Variants in ABCD3 observed in about 807,000 individuals in gnomAD.
The protein encoded by ABCD3 is ATP-binding cassette sub-family D member 3.
Under a neutral mutation model 105.5 loss-of-function variants are expected in ABCD3, and 41 were observed. The ratio of observed to expected loss-of-function variants is 0.39; its 90% CI spans 0.30 to 0.50. ABCD3 has a LOEUF of 0.50. Among genes scored for constraint, ABCD3 ranks in the 20% least tolerant of loss-of-function variants. The pLI is 0.84. For synonymous variants in ABCD3, 258 were observed against 269.0 expected (o/e 0.96, Z 0.40); for missense variants, 622 against 806.3 (o/e 0.77, Z 2.77).
At chr1:94,479,073 A>G (rs187967998) in intron 8 of ABCD3, among the ~76,000 whole-genome samples, 2 of 152,316 alleles carry the variant, frequency 1.3e-5, no homozygotes, top group Non-Finnish European at 2.9e-5. Flanking sequence ...TGATTAATAA[A>G]TTATTTCCAT....
rs115677065 is a variant in ABCD3, at chr1:94,485,258, G to A, written c.897+2019G>A. ...ATTTATTCAAAAGATATTGAATGCCGTCTAGTTGCCTGTGCTCACTCCAGG... is the reference window on the plus strand; with the variant it reads ...ATTTATTCAAAAGATATTGAATGCCATCTAGTTGCCTGTGCTCACTCCAGG... On this transcript the variant is annotated intron_variant, in intron 10 of 22. Coordinates refer to ENST00000370214, the MANE Select transcript of ABCD3 (RefSeq NM_002858.4). Among the ~76,000 whole-genome samples, 842 of 152,164 alleles carry A rather than the reference G, an allele frequency of 5.5e-3. 7 individuals are homozygous for A. Among genetic ancestry groups the A allele is most frequent in the South Asian group, 0.027 (128 of 4,822 alleles).
intron 21 of ABCD3, chr1:94,514,163 A>T (rs548630153): frequency 6.6e-6 from 1 of 152,188 alleles, no homozygotes; most frequent in Admixed American, 6.6e-5. Flanking sequence ...ATCCACTTGG[A>T]GGAACAGTGA....
intron 1 of ABCD3, among the ~76,000 whole-genome samples, chr1:94,420,368 G>A (rs1359002982): frequency 1.3e-5 from 2 of 152,184 alleles, no homozygotes. Context: ...AGCGATAGAA[G>A]TAAAATAATG....
intron 8 of ABCD3, chr1:94,480,199 A>G (rs1648969842): frequency 2.0e-6 from 1 of 494,964 alleles, no homozygotes; most frequent in African/African-American, 1.9e-5. Flanking sequence ...AAAAACTGTG[A>G]ACTGCAATTA....
intron 9 of ABCD3, chr1:94,482,827 T>A (rs1175038347): frequency 3.7e-6 from 1 of 271,476 alleles, no homozygotes; most frequent in Admixed American, 4.8e-5. Flanking sequence ...ACTTGAAGTC[T>A]GCAATGTTGG....
At chr1:94,492,181 C>G (rs1157386916) in intron 16 of ABCD3, among the ~76,000 whole-genome samples, 1 of 152,084 alleles carries the variant, frequency 6.6e-6, no homozygotes, top group Admixed American at 6.6e-5. Flanking sequence ...CAGCACAGCT[C>G]TAGAATTCCT....
chr1:94,448,691 G>C (rs1218009415), intron 1 of ABCD3, among the ~76,000 whole-genome samples: 1 of 152,202 alleles, frequency 6.6e-6, no homozygotes, highest in African/African-American at 2.4e-5. Context: ...ACCTTTTGCA[G>C]TGTTTTGCGG....
intron 4 of ABCD3, 82 bp from the exon 5 acceptor site, chr1:94,473,684 A>G (rs896706962): frequency 9.1e-7 from 1 of 1,098,218 alleles, no homozygotes; most frequent in Non-Finnish European, 1.4e-6. Flanking sequence ...TTCCAAGAGT[A>G]ATTTTAGAGC....
intron 21 of ABCD3, among the ~76,000 whole-genome samples, chr1:94,509,953 T>C (rs1650578394): frequency 6.6e-6 from 1 of 152,180 alleles, no homozygotes; most frequent in Non-Finnish European, 1.5e-5. Context: ...CCTGGATTCA[T>C]TAATTTTTTG....
chr1:94,473,249 G>A (rs559712558), intron 4 of ABCD3, among the ~76,000 whole-genome samples: 1 of 152,186 alleles, frequency 6.6e-6, no homozygotes, highest in Non-Finnish European at 1.5e-5. Flanking sequence ...GTTTTACAGT[G>A]GCAGAATTGA....
At chr1:94,411,583 A>G in the ABCD3 span, among the ~76,000 whole-genome samples, 2 of 152,212 alleles carry the variant, frequency 1.3e-5, no homozygotes, top group African/African-American at 4.8e-5. Flanking sequence ...AGTTCCTCAA[A>G]AAGTTAAACA....
chr1:94,430,542 A>G (rs1334108873), intron 1 of ABCD3, among the ~76,000 whole-genome samples: 2 of 152,134 alleles, frequency 1.3e-5, no homozygotes, highest in African/African-American at 4.8e-5. Context: ...ATACTTTTAT[A>G]AAGAGAAGTT....
chr1:94,418,806 C>T (rs1001519948), intron 1 of ABCD3: 42 of 578,624 alleles, frequency 7.3e-5, no homozygotes, highest in Non-Finnish European at 1.2e-4. Context: ...TCGCTCCACC[C>T]CGGGAGTGCG....
At chr1:94,507,561 G>A (rs910589898) in intron 21 of ABCD3, among the ~76,000 whole-genome samples, 9 of 151,830 alleles carry the variant, frequency 5.9e-5, no homozygotes, top group East Asian at 3.9e-4. Flanking sequence ...CTGAGGAATC[G>A]CCACACTGAC....
intron 1 of ABCD3, among the ~76,000 whole-genome samples, chr1:94,426,816 A>G (rs900886860): frequency 2.7e-5 from 4 of 147,100 alleles, no homozygotes; most frequent in Non-Finnish European, 5.9e-5. Context: ...AAGTGCTGGG[A>G]TTACAGGTGA....
intron 9 of ABCD3, chr1:94,481,817 T>C (rs1649040498): frequency 6.6e-6 from 1 of 152,224 alleles, no homozygotes; most frequent in Non-Finnish European, 1.5e-5. Flanking sequence ...GCTGGAATGG[T>C]TACTTGACCA....
At chr1:94,407,982 C>T in the ABCD3 span, among the ~76,000 whole-genome samples, 4 of 152,340 alleles carry the variant, frequency 2.6e-5, no homozygotes, top group Middle Eastern at 3.4e-3. Flanking sequence ...CCTGATACAA[C>T]GGCAGAGCCG....
chr1:94,464,635 G>C, intron 2 of ABCD3, 140 bp from the exon 3 acceptor site: 1 of 745,430 alleles, frequency 1.3e-6, no homozygotes, highest in Non-Finnish European at 2.4e-6. Flanking sequence ...GAGGAGCAGT[G>C]TAAGTATGCA....
chr1:94,432,826 C>G (rs1016190557), intron 1 of ABCD3, among the ~76,000 whole-genome samples: 2 of 151,056 alleles, frequency 1.3e-5, no homozygotes, highest in African/African-American at 4.9e-5. Flanking sequence ...ATGGAGATGT[C>G]TTCTGAGAAA....
Sources: gnomAD v4.1 joint callset for allele counts (sites outside exome capture counted in the v4.1 genomes callset) on GRCh38, gnomAD v4.1.1 for gene constraint, MANE v1.5 for transcripts, NCBI Gene and HGNC (gene_info 2026-07-23, HGNC 2026-07-21) for gene names.